HIPK2: variants seen among roughly 807,000 people sequenced by gnomAD.
HIPK2 encodes homeodomain-interacting protein kinase 2.
In HIPK2, 27 loss-of-function variants were observed where a neutral mutation model predicts 113.7. The ratio of observed to expected loss-of-function variants is 0.24; its 90% confidence interval spans 0.17 to 0.33. HIPK2 has a LOEUF of 0.33. Ranked by LOEUF, HIPK2 falls within the 10% of genes least tolerant of loss-of-function variation. HIPK2 has a pLI of 1.00. For missense variants in HIPK2, 1,257 were observed against 1,588.0 expected (o/e 0.79, Z 3.54); for synonymous variants, 631 against 642.2 (o/e 0.98, Z 0.26).
At chr7:139,766,250 A>C (rs1796551298) in intron 1 of HIPK2, among the ~76,000 whole-genome samples, 1 of 152,238 alleles carries the variant, frequency 6.6e-6, no homozygotes, top group African/African-American at 2.4e-5. Flanking sequence ...CACACATGTA[A>C]AATCTTAGTG....
intron 2 of HIPK2, among the ~76,000 whole-genome samples, chr7:139,674,611 C>T (rs1356438882): frequency 6.6e-6 from 1 of 152,128 alleles, no homozygotes; most frequent in Admixed American, 6.5e-5. Flanking sequence ...AAGCAGCAAA[C>T]CTGGCATGGA....
chr7:139,598,386 T>C (rs1799296801), intron 11 of HIPK2, among the ~76,000 whole-genome samples: 1 of 152,244 alleles, frequency 6.6e-6, no homozygotes, highest in Admixed American at 6.5e-5. Context: ...TGGTAATATG[T>C]TTCACTGATA....
intron 2 of HIPK2, among the ~76,000 whole-genome samples, chr7:139,633,043 C>T (rs935363552): frequency 1.5e-5 from 2 of 135,018 alleles, no homozygotes; most frequent in Non-Finnish European, 3.0e-5. Context: ...TTGCAGTGAG[C>T]TGAGATTGCA....
intron 5 of HIPK2, 35 bp from the exon 6 acceptor site, chr7:139,626,820 C>T: frequency 6.2e-7 from 1 of 1,609,812 alleles, no homozygotes; most frequent in Non-Finnish European, 8.5e-7. Context: ...CCAAGGAAGA[C>T]CCCAGCGTGC....
At position 139,685,233 on chromosome 7, in the gene HIPK2, C is replaced by T. The variant is rs181757029; in HGVS notation, c.1103+30699G>A. 4.3e-3 allele frequency among the ~76,000 whole-genome samples: 650 copies of T among 152,270 alleles called. 5 individuals carry two copies. Among genetic ancestry groups the T allele is most frequent in the African/African-American group, 0.014 (567 of 41,544 alleles). ...TCGCTCAGGCTGGAGGGCAGTGGCA[C>T]GATCTCAGCTCACAACAGCCTCAAC... is the stretch of plus-strand genomic sequence containing the variant. On this transcript the variant is annotated intron_variant, in intron 2 of 14. Coordinates refer to ENST00000406875, the MANE Select transcript of HIPK2 (RefSeq NM_022740.5).
At chr7:139,704,133 A>C (rs1451293961) in intron 2 of HIPK2, among the ~76,000 whole-genome samples, 2 of 78,646 alleles carry the variant, frequency 2.5e-5, no homozygotes, top group Admixed American at 1.3e-4. Context: ...CACACACACC[A>C]CACACACACA....
At chr7:139,746,925 C>T (rs765036932) in intron 1 of HIPK2, among the ~76,000 whole-genome samples, 1 of 152,210 alleles carries the variant, frequency 6.6e-6, no homozygotes, top group Non-Finnish European at 1.5e-5. Context: ...TATTATAAGA[C>T]TTGGTGAACC....
chr7:139,752,584 A>AG (rs1161817594), intron 1 of HIPK2, among the ~76,000 whole-genome samples: 1 of 152,154 alleles, frequency 6.6e-6, no homozygotes, highest in Non-Finnish European at 1.5e-5. Context: ...CACCACACCC[A>AG]GGATTCCCTC....
At chr7:139,715,839 T>C (rs1312835656) in intron 2 of HIPK2, 93 bp downstream of exon 2, 1 of 1,499,216 alleles carries the variant, frequency 6.7e-7, no homozygotes, top group Non-Finnish European at 9.0e-7. Context: ...TGTAGACATA[T>C]AATTTTATCT....
chr7:139,636,097 T>C (rs1275638591), intron 2 of HIPK2, among the ~76,000 whole-genome samples: 2 of 152,184 alleles, frequency 1.3e-5, no homozygotes, highest in Non-Finnish European at 2.9e-5. Flanking sequence ...TCAGCAGTGA[T>C]CTCCACGCTG....
chr7:139,627,005 C>G (rs1800455506), intron 5 of HIPK2, among the ~76,000 whole-genome samples: 1 of 152,136 alleles, frequency 6.6e-6, no homozygotes, highest in Non-Finnish European at 1.5e-5. Context: ...GGCTGTGCCC[C>G]AGGAAGGGGA....
At chr7:139,754,048 C>T (rs1353132911) in intron 1 of HIPK2, among the ~76,000 whole-genome samples, 1 of 152,240 alleles carries the variant, frequency 6.6e-6, no homozygotes, top group Non-Finnish European at 1.5e-5. Flanking sequence ...CAGTGCACAA[C>T]ACAAAGGGAA....
chr7:139,732,831 G>GTA, intron 1 of HIPK2, among the ~76,000 whole-genome samples: 1 of 148,628 alleles, frequency 6.7e-6, no homozygotes, highest in East Asian at 2.0e-4. Flanking sequence ...GTGTGTGTGT[G>GTA]TGTGTGTGTG....
At chr7:139,754,894 C>A (rs1453317767) in intron 1 of HIPK2, among the ~76,000 whole-genome samples, 1 of 152,114 alleles carries the variant, frequency 6.6e-6, no homozygotes, top group African/African-American at 2.4e-5. Flanking sequence ...GATCACACAG[C>A]GAGTCTCTGA....
intron 11 of HIPK2, 61 bp downstream of exon 11, chr7:139,600,356 A>G: frequency 6.4e-7 from 1 of 1,560,764 alleles, no homozygotes; most frequent in African/African-American, 1.4e-5. Flanking sequence ...CCTAAACTAC[A>G]TTTCTTTAGC....
Position 139,620,397 on chromosome 7 carries a change from T to C in HIPK2, c.1782+4A>G, listed in dbSNP as rs746574974. On this transcript the variant is annotated splice_donor_region_variant and intron_variant, in intron 7 of 14. Coordinates refer to ENST00000406875, the MANE Select transcript of HIPK2 (RefSeq NM_022740.5). The stretch of plus-strand genomic sequence containing the variant: ...CCTCTCCTTCCCTTCTGTTTCCCAC[T>C]TACCTGGTTGTGGACAGTGGTCAGC... 2 of 1,613,880 alleles carry C rather than the reference T, an allele frequency of 1.2e-6. No homozygotes were observed. The highest frequency in any genetic ancestry group is 1.3e-5 in the African/African-American group (1 of 74,942).
chr7:139,771,069 G>A (rs1327570336), intron 1 of HIPK2, among the ~76,000 whole-genome samples: 1 of 152,076 alleles, frequency 6.6e-6, no homozygotes, highest in Non-Finnish European at 1.5e-5. Context: ...AAGAGAGGGA[G>A]GACTACCCTC....
At chr7:139,650,114 C>G (rs1364802754) in intron 2 of HIPK2, among the ~76,000 whole-genome samples, 2 of 152,110 alleles carry the variant, frequency 1.3e-5, no homozygotes, top group East Asian at 3.9e-4. Context: ...CTTTGGGATG[C>G]CAAGGCAGGC....
intron 1 of HIPK2, among the ~76,000 whole-genome samples, chr7:139,768,907 C>T (rs1796598237): frequency 6.6e-6 from 1 of 152,218 alleles, no homozygotes; most frequent in Non-Finnish European, 1.5e-5. Context: ...CCCCAGCACA[C>T]ATAACATTGG....
Sources: gnomAD v4.1 joint callset for allele counts (sites outside exome capture counted in the v4.1 genomes callset) on GRCh38, gnomAD v4.1.1 for gene constraint, MANE v1.5 for transcripts, NCBI Gene and HGNC (gene_info 2026-07-23, HGNC 2026-07-21) for gene names.